The following PQBP1 variants were observed in gnomAD, a reference collection of about 807,000 sequenced individuals.
PQBP1 encodes the protein polyglutamine-binding protein 1.
Under a neutral mutation model 20.9 loss-of-function variants are expected in PQBP1, and 3 were observed. That is an observed-to-expected ratio of 0.14 (90% CI 0.07 to 0.37). The LOEUF is 0.37. PQBP1 is among the 10% of genes least tolerant of loss of function. The pLI is 1.00. For synonymous variants in PQBP1, 83 were observed against 93.8 expected, an observed-to-expected ratio of 0.88 and a Z score of 0.67; for missense variants, 162 against 240.3, an observed-to-expected ratio of 0.67 and a Z score of 2.16.
Position 48,901,428 on chromosome X carries a change from G to A in PQBP1, c.179+127G>A. 2.6e-6 allele frequency: 3 copies of A among 1,133,800 alleles called. No individual in the cohort carries two copies. In the South Asian group the frequency reaches 5.8e-5, roughly 22 times the overall value. The allele number at this position is 1,133,800 out of a possible 1,213,427, so 93.4% of individuals were successfully genotyped here. On this transcript the variant is annotated intron_variant, in intron 3 of 6. Transcript: ENST00000447146. The stretch of plus-strand genomic sequence containing the variant: ...GGGTGTTGGCATTAGGTATCTGCAG[G>A]ACTCAAGTTGCTGCCTGCTGGGGCC...
rs2063388609 is a variant in PQBP1, at chrX:48,900,324, C to T, written c.68-866C>T. On this transcript the variant is annotated intron_variant, in intron 2 of 6. Coordinates refer to ENST00000447146, the MANE Select transcript of PQBP1 (RefSeq NM_001032382.2). ...TTTTTTTTTTTTTTTGAGAGAGTCT[C>T]GCTCTGTCACCTAGGCTGGAGTGCA... is the stretch of plus-strand genomic sequence containing the variant. 5.7e-5 allele frequency among the ~76,000 whole-genome samples: 4 copies of T among 70,563 alleles called. No homozygotes were observed. The South Asian group carries it at 3.2e-3, about 57-fold the overall frequency. 61.3% of individuals were successfully genotyped at this position (70,563 alleles called of 115,157 possible). A position where few individuals can be genotyped will look rare whatever the true frequency, so the allele number is the denominator to read the frequency against.
Position 48,903,123 on chromosome X carries a change from T to C in PQBP1, c.*39T>C. On this transcript the variant is annotated 3_prime_UTR_variant, in exon 7 of 7. Coordinates refer to ENST00000447146, the MANE Select transcript of PQBP1 (RefSeq NM_001032382.2). ...CTGGCCCTGGGTTAAAATAAAAGCT[T>C]TCTGGTGATCCTGCCCACCATACCT... 8.4e-7 allele frequency: 1 copy of C among 1,184,991 alleles called. No homozygotes were observed. The highest frequency in any genetic ancestry group is 1.1e-6 in the Non-Finnish European group (1 of 881,683).
intron 3 of PQBP1, 88 bp downstream of exon 3, chrX:48,901,389 G>A: frequency 1.7e-6 from 2 of 1,162,651 alleles, no homozygotes; most frequent in Non-Finnish European, 1.1e-6. Flanking sequence ...ACAAGGGAGG[G>A]AGCCTCGGGT....
chrX:48,901,464 G>A, intron 3 of PQBP1, 163 bp downstream of exon 3: 1 of 1,031,719 alleles, frequency 9.7e-7, no homozygotes, highest in Non-Finnish European at 1.3e-6. Flanking sequence ...TGGCTCCTCT[G>A]GGGTTGGAAG....
chrX:48,899,418 C>T (rs1557040481), intron 2 of PQBP1, among the ~76,000 whole-genome samples: 2 of 111,342 alleles, frequency 1.8e-5, no homozygotes, highest in Admixed American at 9.6e-5. Flanking sequence ...TGGCAAAACC[C>T]CGTCTTTACA....
At position 48,898,076 on chromosome X, in the gene PQBP1, T is replaced by C; in HGVS notation, c.-25T>C. The C allele has an allele frequency of 9.7e-7, 1 of 1,026,521 alleles. No individual in the cohort carries two copies. The highest frequency in any genetic ancestry group is 4.0e-5 in the East Asian group (1 of 24,865). The allele number at this position is 1,026,521 out of a possible 1,213,427, so 84.6% of individuals were successfully genotyped here. On this transcript the variant is annotated 5_prime_UTR_variant, in exon 1 of 7. Transcript: ENST00000447146. Reference sequence around the variant, plus strand: ...GACAGCCTTCCACTACCTGCACGAGTGTATTGGTAACGTTGGGGTGGGTGC... The same window carrying C: ...GACAGCCTTCCACTACCTGCACGAGCGTATTGGTAACGTTGGGGTGGGTGC...
At chrX:48,900,284 CTTTTTTTTTTT>C (rs1162086780) in intron 2 of PQBP1, among the ~76,000 whole-genome samples, 1 of 32,472 alleles carries the variant, frequency 3.1e-5, no homozygotes, top group African/African-American at 1.3e-4. Flanking sequence ...CATTGATTTA[CTTTTTTTTTTT>C]TTTTTTTTTT....
At chrX:48,901,826 G>A in intron 3 of PQBP1, 104 bp from the exon 4 acceptor site, 1 of 1,149,867 alleles carries the variant, frequency 8.7e-7, no homozygotes, top group Non-Finnish European at 1.2e-6. Context: ...TCCTGCCTGT[G>A]GGGTCCTGAC....
intron 2 of PQBP1, among the ~76,000 whole-genome samples, chrX:48,900,449 G>A (rs2063391595): frequency 9.5e-6 from 1 of 105,693 alleles, no homozygotes; most frequent in African/African-American, 3.4e-5. Flanking sequence ...GTGCTCCACT[G>A]TGCCTGGCTA....
chrX:48,898,246 T>C (rs2147450152), intron 1 of PQBP1, 164 bp downstream of exon 1: 1 of 866,539 alleles, frequency 1.2e-6, no homozygotes, highest in Non-Finnish European at 1.6e-6. Flanking sequence ...GGGCGGAGCC[T>C]GGGCCTGGGA....
At chrX:48,901,655 T>G (rs1272784023) in intron 3 of PQBP1, 2 of 453,520 alleles carry the variant, frequency 4.4e-6, no homozygotes, top group African/African-American at 4.9e-5. Context: ...ATTTTTGTAT[T>G]TTTTGTAGAG....
At chrX:48,898,458 T>G in intron 1 of PQBP1, 34 bp from the exon 2 acceptor site, 3 of 1,158,657 alleles carry the variant, frequency 2.6e-6, no homozygotes, top group Non-Finnish European at 3.5e-6. Flanking sequence ...AATCTTTATC[T>G]GAGCTGCTTG....
chrX:48,901,153 C>T lies in PQBP1; in HGVS notation c.68-37C>T, dbSNP rs782058932. 43 of 1,189,385 alleles carry T rather than the reference C, an allele frequency of 3.6e-5. No homozygotes were observed. In the African/African-American group the frequency reaches 6.7e-4, roughly 19 times the overall value. On this transcript the variant is annotated intron_variant, in intron 2 of 6. Coordinates refer to ENST00000447146, the MANE Select transcript of PQBP1 (RefSeq NM_001032382.2). Reference sequence around the variant, plus strand: ...ACATGTAGGATGAGGTCCCCTGGTCCTTATCTGCTCTCCTCATCCCCACCT... The same window carrying T: ...ACATGTAGGATGAGGTCCCCTGGTCTTTATCTGCTCTCCTCATCCCCACCT...
rs782508756 is a variant in PQBP1 at position 48,897,952 on chromosome X, G to A, written c.-149G>A. The A allele has an allele frequency of 3.4e-6, 3 of 880,092 alleles. No homozygotes were observed. Among genetic ancestry groups the A allele is most frequent in the Non-Finnish European group, 3.1e-6 (2 of 652,574 alleles). 72.5% of individuals were successfully genotyped at this position (880,092 alleles called of 1,213,427 possible). A position where few individuals can be genotyped will look rare whatever the true frequency, so the allele number is the denominator to read the frequency against. On this transcript the variant is annotated 5_prime_UTR_variant, in exon 1 of 7. It adds an upstream start codon to the 5' untranslated region. Transcript: ENST00000447146. ...GTCCAGTTACTTTCAGGCTCGGGGA[G>A]TGAAGGCCTCGTTGAGAGAAGGTCT...
intron 2 of PQBP1, 91 bp downstream of exon 2, chrX:48,898,667 C>T: frequency 1.1e-6 from 1 of 936,081 alleles, no homozygotes; most frequent in Non-Finnish European, 1.5e-6. Flanking sequence ...CTAGCATGGG[C>T]CAACTGTGCA....
rs2063434390 is a variant in PQBP1, at chrX:48,902,422, G to A, written c.482G>A (p.Arg161Gln). 10 of 1,208,614 alleles carry A rather than the reference G, an allele frequency of 8.3e-6. No individual in the cohort carries two copies. The highest frequency in any genetic ancestry group is 1.1e-5 in the Non-Finnish European group (10 of 894,176). ...AGAGAGCGAGACAGGGAACGGGATC[G>A]GGACCGCGGGTATGACAAGGCAGAC... The part of the protein sequence containing the change: ...RERERDRERD[R>Q]DRGYDKADRE... The change falls in exon 5 of 7, where the codon CGG becomes CAG. Residue 161 changes from arginine to glutamine, a missense_variant. Transcript: ENST00000447146.
Position 48,902,804 on chromosome X carries a change from C to T in PQBP1, c.641+9C>T. The T allele has an allele frequency of 1.7e-6, 2 of 1,200,053 alleles. No homozygotes were observed. Among genetic ancestry groups the T allele is most frequent in the Non-Finnish European group, 2.2e-6 (2 of 889,691 alleles). The stretch of plus-strand genomic sequence containing the variant: ...TACTCAGACGCCCCCCGGTAAGTGA[C>T]AACCCCTCTTGACTCAGTACGTGGA... On this transcript the variant is annotated intron_variant, in intron 6 of 6. Coordinates refer to ENST00000447146, the MANE Select transcript of PQBP1 (RefSeq NM_001032382.2).
chrX:48,901,698 C>G lies in PQBP1; in HGVS notation c.180-232C>G, dbSNP rs781935860. ...TTCATCATATTGGTCAGGCTGGTCC[C>G]GAACTCCTGACCTCAGGTGATCCGC... On this transcript the variant is annotated intron_variant, in intron 3 of 6. Coordinates refer to ENST00000447146, the MANE Select transcript of PQBP1 (RefSeq NM_001032382.2). 1.8e-4 allele frequency: 97 copies of G among 537,590 alleles called. No homozygotes were observed. In the South Asian group the frequency reaches 2.8e-3, roughly 15 times the overall value. The allele number at this position is 537,590 out of a possible 1,213,427, so 44.3% of individuals were successfully genotyped here.
intron 1 of PQBP1, 88 bp downstream of exon 1, chrX:48,898,170 G>C: frequency 2.0e-6 from 2 of 1,017,623 alleles, no homozygotes; most frequent in Non-Finnish European, 2.5e-6. Context: ...TCTCCCACCC[G>C]GCAGTCATGG....
Sources: allele counts gnomAD v4.1 joint callset (sites outside exome capture counted in the v4.1 genomes callset), GRCh38; gene constraint gnomAD v4.1.1; transcripts MANE v1.5; gene names NCBI Gene and HGNC (gene_info 2026-07-23, HGNC 2026-07-21).